Variants in GALNTL6 observed in about 807,000 individuals in gnomAD.
GALNTL6 encodes the protein polypeptide N-acetylgalactosaminyltransferase like 6, also known as polypeptide N-acetylgalactosaminyltransferase-like 6.
In GALNTL6, 46 loss-of-function variants were observed where a neutral mutation model predicts 73.7. The ratio of observed to expected loss-of-function variants is 0.62; its 90% CI spans 0.49 to 0.80. GALNTL6 has a LOEUF of 0.80. GALNTL6 is among the 30% of genes least tolerant of loss of function. The pLI, the probability that GALNTL6 is intolerant of heterozygous loss-of-function variation, is 0.00. For missense variants in GALNTL6, 604 were observed against 755.0 expected (o/e 0.80, Z 2.34); for synonymous variants, 259 against 263.7 (o/e 0.98, Z 0.17).
intron 2 of GALNTL6, among the ~76,000 whole-genome samples, chr4:171,982,642 C>T (rs1243950916): frequency 1.3e-5 from 2 of 152,108 alleles, no homozygotes; most frequent in Non-Finnish European, 2.9e-5. Flanking sequence ...TGTTGGAGGT[C>T]CTCCACCCAT....
At chr4:172,044,462 C>T (rs1019132915) in intron 2 of GALNTL6, among the ~76,000 whole-genome samples, 9 of 151,518 alleles carry the variant, frequency 5.9e-5, no homozygotes, top group East Asian at 1.9e-4. Flanking sequence ...TAGCTTACCC[C>T]GAGAATGTCA....
At chr4:171,918,080 T>C (rs1737679039) in intron 2 of GALNTL6, among the ~76,000 whole-genome samples, 1 of 152,144 alleles carries the variant, frequency 6.6e-6, no homozygotes, top group African/African-American at 2.4e-5. Context: ...GATTCACTGA[T>C]CTCTTTAATA....
intron 12 of GALNTL6, among the ~76,000 whole-genome samples, chr4:173,037,745 G>A (rs1166704981): frequency 6.6e-6 from 1 of 151,300 alleles, no homozygotes; most frequent in Non-Finnish European, 1.5e-5. Flanking sequence ...GTCCACATGA[G>A]CATTTTTTTT....
At chr4:172,261,579 A>AT (rs1360708619) in intron 3 of GALNTL6, among the ~76,000 whole-genome samples, 1 of 149,304 alleles carries the variant, frequency 6.7e-6, no homozygotes, top group Non-Finnish European at 1.5e-5. Context: ...TTTGTCTTGT[A>AT]TTTTTTTGTT....
chr4:173,038,944 C>T (rs1753798179), intron 12 of GALNTL6, among the ~76,000 whole-genome samples: 1 of 152,122 alleles, frequency 6.6e-6, no homozygotes, highest in African/African-American at 2.4e-5. Context: ...AAAATATAAG[C>T]AGGGATTTGG....
chr4:172,891,853 T>C (rs1746049274), intron 8 of GALNTL6, among the ~76,000 whole-genome samples: 1 of 152,214 alleles, frequency 6.6e-6, no homozygotes, highest in Non-Finnish European at 1.5e-5. Context: ...TTTTTTATTT[T>C]TGTCTGACTG....
intron 7 of GALNTL6, among the ~76,000 whole-genome samples, chr4:172,867,109 T>G (rs1744701892): frequency 6.6e-6 from 1 of 152,208 alleles, no homozygotes; most frequent in Non-Finnish European, 1.5e-5. Flanking sequence ...CTTCTGAGTA[T>G]GCTAATCTTG....
At chr4:172,160,017 C>T (rs78141358) in intron 2 of GALNTL6, among the ~76,000 whole-genome samples, 2 of 151,904 alleles carry the variant, frequency 1.3e-5, no homozygotes, top group Non-Finnish European at 2.9e-5. Context: ...TTATTAGCAG[C>T]TGGATGAGTA....
chr4:171,960,414 T>C (rs1047412049), intron 2 of GALNTL6, among the ~76,000 whole-genome samples: 6 of 151,854 alleles, frequency 4.0e-5, no homozygotes, highest in African/African-American at 1.5e-4. Context: ...GTAACAGGGT[T>C]TTACAGGCAC....
intron 2 of GALNTL6, among the ~76,000 whole-genome samples, chr4:172,138,496 TATATATATATATATATA>T (rs375747898): frequency 3.7e-3 from 32 of 8,570 alleles, no homozygotes; most frequent in Non-Finnish European, 7.8e-3. Flanking sequence ...TATATATATA[TATATATATATATATATA>T]TTTTTTTTTT....
intron 5 of GALNTL6, among the ~76,000 whole-genome samples, chr4:172,761,689 C>CTT (rs1560934637): frequency 6.6e-6 from 1 of 151,790 alleles, no homozygotes; most frequent in African/African-American, 2.4e-5. Context: ...CTCTCTCTCT[C>CTT]TCTCTCTTTC....
At chr4:172,218,599 T>C (rs1257371672) in intron 2 of GALNTL6, among the ~76,000 whole-genome samples, 1 of 152,120 alleles carries the variant, frequency 6.6e-6, no homozygotes, top group Non-Finnish European at 1.5e-5. Flanking sequence ...TTCTGAGCAG[T>C]GGTTTGCTGT....
chr4:172,699,462 C>T (rs1450887048), intron 5 of GALNTL6, among the ~76,000 whole-genome samples: 1 of 152,066 alleles, frequency 6.6e-6, no homozygotes, highest in Non-Finnish European at 1.5e-5. Context: ...GCTGTGTGGT[C>T]TAGGAAGAGA....
At chr4:172,132,528 G>A (rs10026922) in intron 2 of GALNTL6, among the ~76,000 whole-genome samples, 66,984 of 151,820 alleles carry the variant, frequency 0.44, 15,399 homozygotes, top group African/African-American at 0.55. Flanking sequence ...TAAATATTGT[G>A]GTATGTATGA....
intron 2 of GALNTL6, among the ~76,000 whole-genome samples, chr4:172,103,747 T>A (rs1216962810): frequency 1.3e-5 from 2 of 152,124 alleles, no homozygotes; most frequent in African/African-American, 4.8e-5. Context: ...GGAATCTTCT[T>A]TCTGGAAAGC....
At chr4:172,282,770 T>C (rs1234406890) in intron 3 of GALNTL6, among the ~76,000 whole-genome samples, 3 of 151,876 alleles carry the variant, frequency 2.0e-5, no homozygotes, top group Non-Finnish European at 4.4e-5. Context: ...AGCAAGTGGA[T>C]TCAAAATGTA....
chr4:172,886,427 C>A (rs890666411), intron 8 of GALNTL6, among the ~76,000 whole-genome samples: 2 of 152,178 alleles, frequency 1.3e-5, no homozygotes, highest in Non-Finnish European at 2.9e-5. Flanking sequence ...AGTCTTCTCT[C>A]TTCCATTCTT....
chr4:172,152,405 T>C (rs1046467173), intron 2 of GALNTL6, among the ~76,000 whole-genome samples: 1 of 152,246 alleles, frequency 6.6e-6, no homozygotes, highest in Non-Finnish European at 1.5e-5. Context: ...TTTGTAAATG[T>C]AGACTGAGCT....
intron 5 of GALNTL6, among the ~76,000 whole-genome samples, chr4:172,795,688 T>A (rs1226714054): frequency 1.3e-5 from 2 of 152,138 alleles, no homozygotes; most frequent in Non-Finnish European, 2.9e-5. Context: ...TTACAAACCA[T>A]CCAATTACAT....
Sources: gnomAD v4.1 joint callset for allele counts (sites outside exome capture counted in the v4.1 genomes callset) on GRCh38, gnomAD v4.1.1 for gene constraint, MANE v1.5 for transcripts, NCBI Gene and HGNC (gene_info 2026-07-23, HGNC 2026-07-21) for gene names.